Variants in PALD1 observed in about 807,000 individuals in gnomAD.
PALD1 encodes the protein phosphatase domain containing paladin 1, also known as paladin.
PALD1 carries 57 observed loss-of-function variants against 96.0 expected under a neutral mutation model. That is an observed-to-expected ratio of 0.59 (90% confidence interval 0.48 to 0.74). The LOEUF is 0.74. Among genes scored for constraint, PALD1 ranks in the 30% least tolerant of loss-of-function variants. The pLI, the probability that PALD1 is intolerant of heterozygous loss-of-function variation, is 0.00. For synonymous variants in PALD1, 464 were observed against 473.6 expected (o/e 0.98, Z 0.26); for missense variants, 1,063 against 1,143.7 (o/e 0.93, Z 1.02).
intron 16 of PALD1, 89 bp from the exon 17 acceptor site, chr10:70,541,374 A>T: frequency 6.5e-7 from 1 of 1,527,570 alleles, no homozygotes; most frequent in Non-Finnish European, 9.0e-7. Context: ...AGCCCCTTCC[A>T]TCAGTCTTGG....
Position 70,529,899 on chromosome 10 carries a change from T to C in PALD1, c.299T>C (p.Phe100Ser). 6.2e-7 allele frequency: 1 copy of C among 1,613,634 alleles called. No individual in the cohort carries two copies. The highest frequency in any genetic ancestry group is 8.5e-7 in the Non-Finnish European group (1 of 1,179,838). ...GCTCTCCCCTGCCAGGGCCGCTACT[T>C]CCTGGTGCGGGATGTCACTGAGAAG... ...PEHYLVQGRY[F>S]LVRDVTEKMD... Residue 100 changes from phenylalanine to serine, a missense_variant, in exon 4 of 20, where the codon TTC becomes TCC. Phe to Ser is a radical substitution (Grantham distance 155, BLOSUM62 -2). Coordinates refer to ENST00000263563, the MANE Select transcript of PALD1 (RefSeq NM_014431.3).
Position 70,539,140 on chromosome 10 carries a change from C to G in PALD1, c.1618C>G (p.Arg540Gly). 1.9e-6 allele frequency: 3 copies of G among 1,613,726 alleles called. No individual in the cohort carries two copies. The highest frequency in any genetic ancestry group is 1.7e-6 in the Non-Finnish European group (2 of 1,179,822). The change falls in exon 14 of 20, where the codon CGG (arginine) becomes GGG (glycine). Residue 540 changes from arginine (R) to glycine (G), a missense_variant. Physicochemically the swap from Arg to Gly is moderately radical, Grantham distance 125. Transcript: ENST00000263563. The surrounding 1 kb of genome is among the most constrained non-coding windows in gnomAD (Gnocchi z 4.5). ...AYLTDAKRRL[R>G]KVVWVSLREE... Reference sequence around the variant, plus strand: ...CCTGACGGACGCCAAGAGGAGGCTGCGGAAGGTTGTCTGGGTGAGCCTTCG... The same window carrying G: ...CCTGACGGACGCCAAGAGGAGGCTGGGGAAGGTTGTCTGGGTGAGCCTTCG...
intron 1 of PALD1, among the ~76,000 whole-genome samples, chr10:70,519,772 G>A (rs1294306771): frequency 4.0e-5 from 6 of 151,720 alleles, no homozygotes; most frequent in Admixed American, 6.6e-5. Context: ...ACGGGGTTTC[G>A]CCATGTTGGC....
At chr10:70,538,451 C>T (rs750483109) in intron 12 of PALD1, 43 bp downstream of exon 12, 5 of 1,585,274 alleles carry the variant, frequency 3.2e-6, no homozygotes, top group Middle Eastern at 1.7e-4. Context: ...TGGCTGTGTA[C>T]TGGCCCTGGC....
At chr10:70,558,568 A>G (rs1221670897) in intron 18 of PALD1, among the ~76,000 whole-genome samples, 2 of 152,110 alleles carry the variant, frequency 1.3e-5, no homozygotes, top group Non-Finnish European at 2.9e-5. Flanking sequence ...CACACACATC[A>G]GGGCCGTGGT....
In PALD1 at chr10:70,531,441, C is replaced by T; in HGVS notation, c.620C>T (p.Ala207Val). 1 of 1,613,374 alleles carries T rather than the reference C, an allele frequency of 6.2e-7. No individual in the cohort carries two copies. Among genetic ancestry groups the T allele is most frequent in the Non-Finnish European group, 8.5e-7 (1 of 1,179,608 alleles). The part of the protein sequence containing the change: ...PGVRVESLEL[A>V]IRKEIHDFAQ... ...GTCCGGGTGGAGAGCCTGGAGCTGG[C>T]CATCCGGAAAGAGGTGAGGACCAGT... The change falls in exon 5 of 20, where the codon GCC becomes GTC. Residue 207 changes from alanine to valine, a missense_variant. Ala to Val is a moderately conservative substitution (Grantham distance 64). Coordinates refer to ENST00000263563, the MANE Select transcript of PALD1 (RefSeq NM_014431.3).
chr10:70,552,754 G>T (rs576441519), intron 18 of PALD1, among the ~76,000 whole-genome samples: 17 of 152,310 alleles, frequency 1.1e-4, no homozygotes, highest in Non-Finnish European at 2.2e-4. Context: ...CTACTTACCA[G>T]CAAACATCTG....
chr10:70,562,991 A>G (rs113787893), intron 18 of PALD1, among the ~76,000 whole-genome samples: 1,577 of 152,132 alleles, frequency 0.01, 24 homozygotes, highest in African/African-American at 0.036. Flanking sequence ...CATACTCTCA[A>G]ACCCTCAGTG....
In PALD1 at chr10:70,508,272, C is replaced by T. The variant is rs78883891; in HGVS notation, c.-29-17651C>T. Among the ~76,000 whole-genome samples the T allele has an allele frequency of 5.4e-3, 822 of 152,282 alleles. 5 individuals are homozygous for T. Among genetic ancestry groups the T allele is most frequent in the African/African-American group, 0.018 (765 of 41,562 alleles). On this transcript the variant is annotated intron_variant, in intron 1 of 19. Transcript: ENST00000263563. ...CAACAGACTGCAAAACACCCTGCTC[C>T]CACCCCCTGGTCCAGTAAGATGCTC...
At chr10:70,556,286 C>CTCCCTCTCTCTA in intron 18 of PALD1, among the ~76,000 whole-genome samples, 1 of 107,638 alleles carries the variant, frequency 9.3e-6, no homozygotes, top group Non-Finnish European at 2.3e-5. Context: ...AGACCTCTCT[C>CTCCCTCTCTCTA]TCTCTCTCTC....
Position 70,525,993 on chromosome 10 carries a change from A to C in PALD1, c.42A>C (p.Ala14=), listed in dbSNP as rs1488423919. 1.2e-6 allele frequency: 2 copies of C among 1,614,158 alleles called. No individual in the cohort carries two copies. Among genetic ancestry groups the C allele is most frequent in the Admixed American group, 3.3e-5 (2 of 60,024 alleles). Residue 14 remains alanine, a synonymous_variant, in exon 2 of 20, where the codon GCA becomes GCC. Coordinates refer to ENST00000263563, the MANE Select transcript of PALD1 (RefSeq NM_014431.3). The part of the protein sequence containing the change: ...TASTAQQTVS[A]GTPFEGLQGS... ...GCACAGCCCAGCAGACGGTCTCGGC[A>C]GGCACCCCATTTGAGGGCCTACAGG...
chr10:70,531,803 GAAAC>G (rs1846998664), intron 5 of PALD1, among the ~76,000 whole-genome samples: 2 of 152,000 alleles, frequency 1.3e-5, no homozygotes, highest in Non-Finnish European at 2.9e-5. Context: ...CCAACGTGGT[GAAAC>G]TGTGTCTCTA....
intron 18 of PALD1, among the ~76,000 whole-genome samples, chr10:70,549,046 C>CAAAA (rs71472976): frequency 9.4e-5 from 7 of 74,700 alleles, no homozygotes; most frequent in African/African-American, 2.1e-4. Flanking sequence ...TTGTCTCTAC[C>CAAAA]AAAAAAAAAA....
At chr10:70,490,781 A>T (rs1370507964) in intron 1 of PALD1, among the ~76,000 whole-genome samples, 1 of 152,098 alleles carries the variant, frequency 6.6e-6, no homozygotes. Context: ...TGTTGGGCTG[A>T]TGGGACGGGT....
chr10:70,547,812 G>A (rs1281774681), intron 18 of PALD1, among the ~76,000 whole-genome samples: 2 of 152,022 alleles, frequency 1.3e-5, no homozygotes, highest in Non-Finnish European at 2.9e-5. Flanking sequence ...CCTGGCGGGG[G>A]GACCAGAGGT....
At chr10:70,556,014 A>C (rs1342530331) in intron 18 of PALD1, among the ~76,000 whole-genome samples, 1 of 147,604 alleles carries the variant, frequency 6.8e-6, no homozygotes, top group African/African-American at 2.4e-5. Flanking sequence ...ACAAAACAAA[A>C]CAAAAACCCT....
At position 70,568,422 on chromosome 10, in the gene PALD1, T is replaced by A. The variant is rs1847893491; in HGVS notation, c.*1689T>A. On this transcript the variant is annotated 3_prime_UTR_variant, in exon 20 of 20. Transcript: ENST00000263563. ...GATTTTTTTTTTTTTTGTACAGAGC[T>A]TTTAAGCATTAAAAACAGCTAAATG... 1 of 142,572 alleles carries A rather than the reference T, an allele frequency of 7.0e-6. No individual in the cohort carries two copies. The highest frequency in any genetic ancestry group is 2.6e-5 in the African/African-American group (1 of 38,422). The allele number at this position is 142,572 out of a possible 1,614,324, so 8.8% of individuals were successfully genotyped here. A position where few individuals can be genotyped will look rare whatever the true frequency, so the allele number is the denominator to read the frequency against.
chr10:70,492,952 C>G (rs1846124065), intron 1 of PALD1, among the ~76,000 whole-genome samples: 1 of 152,212 alleles, frequency 6.6e-6, no homozygotes, highest in African/African-American at 2.4e-5. Flanking sequence ...ACCCAGGGTC[C>G]TGCATCACCT....
the PALD1 span, among the ~76,000 whole-genome samples, chr10:70,465,533 G>A: frequency 2.0e-5 from 3 of 152,134 alleles, no homozygotes; most frequent in African/African-American, 7.2e-5. Flanking sequence ...GTCATTTGCC[G>A]TCATCGTCAA....
Sources: allele counts gnomAD v4.1 joint callset (sites outside exome capture counted in the v4.1 genomes callset), GRCh38; gene constraint gnomAD v4.1.1; non-coding constraint Gnocchi (gnomAD v3.1); transcripts MANE v1.5; gene names NCBI Gene and HGNC (gene_info 2026-07-23, HGNC 2026-07-21).